Variants in GLIS3 observed in about 807,000 individuals in gnomAD.
The protein encoded by GLIS3 is GLIS family zinc finger 3, also known as zinc finger protein GLIS3.
In GLIS3, 53 loss-of-function variants were observed where a neutral mutation model predicts 78.6. The observed-to-expected ratio is 0.67, with a 90% confidence interval of 0.54 to 0.85. The LOEUF is 0.85. GLIS3 is among the 40% of genes least tolerant of loss of function. GLIS3 has a pLI of 0.00. For synonymous variants in GLIS3, 684 were observed against 509.9 expected, an observed-to-expected ratio of 1.34 and a Z score of -4.60; for missense variants, 1,703 against 1,231.1, an observed-to-expected ratio of 1.38 and a Z score of -5.74.
chr9:4,280,109 T>G (rs896025348), intron 2 of GLIS3, among the ~76,000 whole-genome samples: 1 of 152,210 alleles, frequency 6.6e-6, no homozygotes, highest in Non-Finnish European at 1.5e-5. Flanking sequence ...AGCCTCAAAC[T>G]CCTGGACTCA....
At chr9:4,080,100 A>G (rs953420273) in intron 4 of GLIS3, among the ~76,000 whole-genome samples, 1 of 152,248 alleles carries the variant, frequency 6.6e-6, no homozygotes, top group Non-Finnish European at 1.5e-5. Context: ...TCAATGACTA[A>G]CTATATTGGA....
chr9:4,340,104 A>T (rs1817813571), intron 2 of GLIS3, among the ~76,000 whole-genome samples: 1 of 151,692 alleles, frequency 6.6e-6, no homozygotes, highest in Non-Finnish European at 1.5e-5. Flanking sequence ...CATGAGGTTG[A>T]TATTCCCCTA....
At chr9:4,327,600 C>T (rs1471094063) in intron 2 of GLIS3, among the ~76,000 whole-genome samples, 1 of 152,184 alleles carries the variant, frequency 6.6e-6, no homozygotes, top group East Asian at 1.9e-4. Flanking sequence ...CAATTCTGAG[C>T]TCTCTGCTTT....
the GLIS3 span, among the ~76,000 whole-genome samples, chr9:4,476,189 A>G: frequency 6.6e-5 from 10 of 152,258 alleles, no homozygotes; most frequent in Admixed American, 6.5e-4. Flanking sequence ...AATCATATTC[A>G]TACAATGAAT....
chr9:4,128,151 C>T (rs1408937484), intron 2 of GLIS3, among the ~76,000 whole-genome samples: 1 of 152,200 alleles, frequency 6.6e-6, no homozygotes, highest in African/African-American at 2.4e-5. Context: ...CTTCTCTTTG[C>T]CTGGAATGCC....
intron 2 of GLIS3, among the ~76,000 whole-genome samples, chr9:4,171,388 A>C (rs960620598): frequency 6.6e-6 from 1 of 152,154 alleles, no homozygotes. Context: ...TTGAAATTTA[A>C]CCTATCACAT....
At chr9:3,949,905 G>A (rs191783180) in intron 4 of GLIS3, among the ~76,000 whole-genome samples, 13 of 152,294 alleles carry the variant, frequency 8.5e-5, no homozygotes, top group East Asian at 3.9e-4. Context: ...GGATTGTTCC[G>A]TTGTTAAACT....
chr9:4,153,916 G>A lies in GLIS3; in HGVS notation c.389-27975C>T, dbSNP rs1674768624. Among the ~76,000 whole-genome samples, 3 of 152,182 alleles carry A rather than the reference G, an allele frequency of 2.0e-5. No homozygotes were observed. The South Asian group carries it at 6.2e-4, about 32-fold the overall frequency. Reference sequence around the variant, plus strand: ...CCCATCAGGATGCTTCTCATTTGGGGTCTCTCATGCACTGCAGTCACATGT... The same window carrying A: ...CCCATCAGGATGCTTCTCATTTGGGATCTCTCATGCACTGCAGTCACATGT... On this transcript the variant is annotated intron_variant, in intron 2 of 10. Transcript: ENST00000381971.
intron 4 of GLIS3, among the ~76,000 whole-genome samples, chr9:4,012,959 G>A (rs7047992): frequency 6.6e-6 from 1 of 151,834 alleles, no homozygotes; most frequent in African/African-American, 2.4e-5. Flanking sequence ...TTTAAGTAGA[G>A]ACGGGGTTTT....
At chr9:4,366,085 G>A in the GLIS3 span, among the ~76,000 whole-genome samples, 1 of 152,180 alleles carries the variant, frequency 6.6e-6, no homozygotes, top group Non-Finnish European at 1.5e-5. Context: ...TAAGGGTATG[G>A]GGCACCCAGA....
the GLIS3 span, among the ~76,000 whole-genome samples, chr9:4,458,976 G>A: frequency 6.6e-6 from 1 of 152,078 alleles, no homozygotes; most frequent in Admixed American, 6.6e-5. Context: ...GGTAGCGATG[G>A]CCTTACCACA....
At chr9:4,284,135 G>C (rs1827787423) in intron 2 of GLIS3, among the ~76,000 whole-genome samples, 1 of 152,152 alleles carries the variant, frequency 6.6e-6, no homozygotes, top group Admixed American at 6.5e-5. Flanking sequence ...CTTACTGGCT[G>C]GTGCCTCTGA....
intron 9 of GLIS3, among the ~76,000 whole-genome samples, chr9:3,830,646 T>C (rs1038456603): frequency 3.9e-5 from 6 of 152,224 alleles, no homozygotes; most frequent in Non-Finnish European, 7.3e-5. Context: ...CCAGGATTTC[T>C]TCCACAAACA....
At chr9:4,045,901 GA>G (rs1175545871) in intron 4 of GLIS3, among the ~76,000 whole-genome samples, 1 of 152,124 alleles carries the variant, frequency 6.6e-6, no homozygotes, top group Non-Finnish European at 1.5e-5. Context: ...TTAAACTGAA[GA>G]AGAAAGATTC....
At chr9:4,354,201 A>C in the GLIS3 span, among the ~76,000 whole-genome samples, 2 of 152,128 alleles carry the variant, frequency 1.3e-5, no homozygotes, top group Non-Finnish European at 2.9e-5. Flanking sequence ...TAAACTTGCA[A>C]ATCAGACAAT....
At chr9:4,230,870 A>T (rs1422541406) in intron 2 of GLIS3, among the ~76,000 whole-genome samples, 1 of 152,224 alleles carries the variant, frequency 6.6e-6, no homozygotes, top group Non-Finnish European at 1.5e-5. Flanking sequence ...TTCAGCCCAC[A>T]TGAAATTAAT....
chr9:4,457,100 A>C, the GLIS3 span, among the ~76,000 whole-genome samples: 3,640 of 152,216 alleles, frequency 0.024, 161 homozygotes, highest in African/African-American at 0.082. Context: ...CGATGGCTCA[A>C]AGCTATAATC....
intron 2 of GLIS3, among the ~76,000 whole-genome samples, chr9:4,189,093 T>G (rs1176888173): frequency 6.6e-6 from 1 of 151,740 alleles, no homozygotes; most frequent in Non-Finnish European, 1.5e-5. Context: ...GATGTTAGGG[T>G]GTCAATTTTA....
chr9:3,884,424 G>T (rs1034290242), intron 7 of GLIS3, among the ~76,000 whole-genome samples: 1 of 152,154 alleles, frequency 6.6e-6, no homozygotes, highest in African/African-American at 2.4e-5. Flanking sequence ...CAGCCAATAT[G>T]CATTCTTGTT....
Sources: gnomAD v4.1 joint callset for allele counts (sites outside exome capture counted in the v4.1 genomes callset) on GRCh38, gnomAD v4.1.1 for gene constraint, MANE v1.5 for transcripts, NCBI Gene and HGNC (gene_info 2026-07-23, HGNC 2026-07-21) for gene names.